The following NIN variants were observed in gnomAD, a reference collection of about 807,000 sequenced individuals.
NIN encodes the protein glycogen synthase kinase 3 beta-interacting protein.
A neutral mutation model predicts 257.6 loss-of-function variants in NIN; 137 were observed. The observed-to-expected ratio is 0.53, with a 90% CI of 0.46 to 0.61. NIN has a LOEUF of 0.61. Ranked by LOEUF, NIN falls within the 20% of genes least tolerant of loss-of-function variation. The probability of loss-of-function intolerance (pLI) is 0.00; values close to 1 mark genes in which losing one functional copy is unlikely to be tolerated. For missense variants in NIN, 2,439 were observed against 2,501.2 expected, an observed-to-expected ratio of 0.98 and a Z score of 0.53; for synonymous variants, 918 against 919.8, an observed-to-expected ratio of 1.00 and a Z score of 0.04.
intron 21 of NIN, among the ~76,000 whole-genome samples, chr14:50,752,254 A>G (rs1018554185): frequency 6.6e-6 from 1 of 151,568 alleles, no homozygotes; most frequent in African/African-American, 2.4e-5. Context: ...CCGAATGTCT[A>G]CTCAGTTGTT....
intron 4 of NIN, chr14:50,806,023 A>T (rs1208668998): frequency 6.6e-6 from 1 of 152,142 alleles, no homozygotes; most frequent in African/African-American, 2.4e-5. Context: ...CCCTACACAC[A>T]CCAGATTTAG....
chr14:50,721,365 C>T lies in NIN; in HGVS notation c.*2098G>A, dbSNP rs1271067677. 4 of 210,422 alleles carry T rather than the reference C, an allele frequency of 1.9e-5. No homozygotes were observed. Among genetic ancestry groups the T allele is most frequent in the African/African-American group, 6.8e-5 (3 of 44,024 alleles). The allele number at this position is 210,422 out of a possible 1,614,324, so 13.0% of individuals were successfully genotyped here. On this transcript the variant is annotated 3_prime_UTR_variant, in exon 31 of 31. Transcript: ENST00000530997. ...AGGAAATAAACAAATTAACCTACAC[C>T]TCTCATACTGTAAAAGACAAAAATT... is the stretch of plus-strand genomic sequence containing the variant.
Position 50,758,148 on chromosome 14 carries a change from G to A in NIN, c.2882C>T (p.Ser961Leu), listed in dbSNP as rs184655824. Residue 961 changes from serine (S) to leucine (L), a missense_variant, in exon 18 of 31, where the codon TCG (serine) becomes TTG (leucine). Ser to Leu is a moderately radical substitution (Grantham distance 145). This residue lies in a region of NIN where 2,043 missense variants were observed against 2,050.2 expected (regional missense o/e 1.00). Transcript: ENST00000530997. ...CAGCCGCTGGCTGGCCAGCTGCTCC[G>A]AAGCCCCTGCCTGGCACAGGACCTC... ...REEVLCQAGA[S>L]EQLASQRLER... 4.5e-5 allele frequency: 72 copies of A among 1,614,092 alleles called. No homozygotes were observed. Among genetic ancestry groups the A allele is most frequent in the Middle Eastern group, 3.3e-4 (2 of 6,060 alleles).
At position 50,770,775 on chromosome 14, in the gene NIN, C is replaced by A. The variant is rs549585592; in HGVS notation, c.1259+77G>T. Reference sequence around the variant, plus strand: ...CCAGAAGAGTCCCCAGTGCACTGTTCTGCCCCTGCAGCTGCAGGCGCCACT... The same window carrying A: ...CCAGAAGAGTCCCCAGTGCACTGTTATGCCCCTGCAGCTGCAGGCGCCACT... On this transcript the variant is annotated intron_variant, in intron 11 of 30. Transcript: ENST00000530997. 155 of 1,516,596 alleles carry A rather than the reference C, an allele frequency of 1.0e-4. No individual in the cohort carries two copies. In the African/African-American group the frequency reaches 1.9e-3, roughly 19 times the overall value. The allele number at this position is 1,516,596 out of a possible 1,614,324, so 93.9% of individuals were successfully genotyped here.
At chr14:50,811,182 C>A (rs1338867340) in intron 3 of NIN, among the ~76,000 whole-genome samples, 2 of 150,612 alleles carry the variant, frequency 1.3e-5, no homozygotes, top group African/African-American at 4.9e-5. Flanking sequence ...AATCTTGGCT[C>A]ACTGCAACCT....
chr14:50,761,874 G>A lies in NIN; in HGVS notation c.1812C>T (p.Ser604=). The change falls in exon 16 of 31, where the codon AGC becomes AGT. Residue 604 remains serine (S), a synonymous_variant. Coordinates refer to ENST00000530997, the MANE Select transcript of NIN (RefSeq NM_020921.4). ...GTTCAATGACCAGCTCTGCCTCAATGCTCATATTCAATGGATTGCATTCTT... is the reference window on the plus strand; with the variant it reads ...GTTCAATGACCAGCTCTGCCTCAATACTCATATTCAATGGATTGCATTCTT... ...GSEECNPLNM[S]IEAELVIEQM... is the part of the protein sequence containing the mutation. 6.2e-7 allele frequency: 1 copy of A among 1,614,068 alleles called. No individual in the cohort carries two copies. The highest frequency in any genetic ancestry group is 8.5e-7 in the Non-Finnish European group (1 of 1,179,962).
At chr14:50,816,329 C>T (rs2044894541) in intron 3 of NIN, among the ~76,000 whole-genome samples, 1 of 152,112 alleles carries the variant, frequency 6.6e-6, no homozygotes, top group Non-Finnish European at 1.5e-5. Flanking sequence ...TGTAACAAAC[C>T]TGCACATCCT....
Position 50,789,213 on chromosome 14 carries a change from C to G in NIN, c.435+3499G>C, listed in dbSNP as rs367818763. On this transcript the variant is annotated intron_variant, in intron 5 of 30. Coordinates refer to ENST00000530997, the MANE Select transcript of NIN (RefSeq NM_020921.4). The stretch of plus-strand genomic sequence containing the variant: ...CCCAAGGAATAAATTCCCAACATCC[C>G]CAAAGAGAGGAGACAGAAGGGCTTC... Among the ~76,000 whole-genome samples, 134 of 152,234 alleles carry G rather than the reference C, an allele frequency of 8.8e-4. 1 individual carries two copies. In the South Asian group the frequency reaches 0.026, roughly 30 times the overall value.
chr14:50,726,398 C>A (rs2984271), intron 29 of NIN: 17,597 of 226,636 alleles, frequency 0.078, 2,975 homozygotes, highest in African/African-American at 0.36. Context: ...CTTGGAAGAT[C>A]GCTATCAACC....
chr14:50,744,955 G>A (rs547003230), intron 22 of NIN, among the ~76,000 whole-genome samples: 1 of 152,026 alleles, frequency 6.6e-6, no homozygotes, highest in South Asian at 2.1e-4. Flanking sequence ...CCCTAGAATT[G>A]GCATGAACCA....
Position 50,729,506 on chromosome 14 carries a change from TAGAG to T in NIN, c.6078+13_6078+16del. ...AAAATTAACAGGTGATCTACTAGAG[TAGAG>T]AGAGCTTCATACCTGTGGTGTGTTG... On this transcript the variant is annotated intron_variant, in intron 29 of 30. Transcript: ENST00000530997. 6.2e-7 allele frequency: 1 copy of T among 1,607,426 alleles called. No individual in the cohort carries two copies. Among genetic ancestry groups the T allele is most frequent in the Non-Finnish European group, 8.5e-7 (1 of 1,175,986 alleles).
intron 3 of NIN, among the ~76,000 whole-genome samples, chr14:50,807,095 T>C (rs2044365842): frequency 6.6e-6 from 1 of 152,206 alleles, no homozygotes; most frequent in Admixed American, 6.5e-5. Context: ...AAAGATATAT[T>C]TTAAACTCTT....
At position 50,757,383 on chromosome 14, in the gene NIN, C is replaced by T. The variant is rs192017781; in HGVS notation, c.3647G>A (p.Arg1216Gln). Residue 1216 changes from arginine (R) to glutamine (Q), a missense_variant, in exon 18 of 31, where the codon CGA becomes CAA. Arg to Gln is a conservative substitution (Grantham distance 43). Coordinates refer to ENST00000530997, the MANE Select transcript of NIN (RefSeq NM_020921.4). Reference protein sequence around the residue: ...QLMMLCADCDRASEKKQDLLF... With the variant: ...QLMMLCADCDQASEKKQDLLF... Reference sequence around the variant, plus strand: ...TAGGTCCTGTTTCTTTTCAGAAGCTCGATCACAGTCCGCACATAACATCAT... The same window carrying T: ...TAGGTCCTGTTTCTTTTCAGAAGCTTGATCACAGTCCGCACATAACATCAT... 794 of 1,614,016 alleles carry T rather than the reference C, an allele frequency of 4.9e-4. No homozygotes were observed. Among genetic ancestry groups the T allele is most frequent in the Non-Finnish European group, 5.9e-4 (692 of 1,180,000 alleles).
At chr14:50,790,870 G>A (rs940668357) in intron 5 of NIN, among the ~76,000 whole-genome samples, 3 of 152,048 alleles carry the variant, frequency 2.0e-5, no homozygotes, top group African/African-American at 7.3e-5. Flanking sequence ...AAATCTCCCT[G>A]GGCACCAGTA....
chr14:50,751,101 TTTC>T (rs1409828594), intron 21 of NIN, among the ~76,000 whole-genome samples: 1 of 152,238 alleles, frequency 6.6e-6, no homozygotes, highest in East Asian at 1.9e-4. Context: ...TTTCTTCCTT[TTTC>T]TTGAACAGCT....
intron 2 of NIN, 52 bp downstream of exon 2, chr14:50,830,412 C>T (rs2045650577): frequency 6.0e-6 from 1 of 166,946 alleles, no homozygotes; most frequent in Non-Finnish European, 1.5e-5. Flanking sequence ...CCTCAGACAG[C>T]CCATTGTGTG....
chr14:50,770,748 G>T, intron 11 of NIN, 104 bp downstream of exon 11: 1 of 1,426,496 alleles, frequency 7.0e-7, no homozygotes, highest in South Asian at 1.4e-5. Flanking sequence ...CCAACAGGCT[G>T]ACCAGAAGAG....
intron 4 of NIN, among the ~76,000 whole-genome samples, chr14:50,793,126 AGCAAGG>A (rs1267983145): frequency 2.6e-5 from 4 of 152,168 alleles, no homozygotes; most frequent in African/African-American, 9.7e-5. Context: ...CAACAATGGC[AGCAAGG>A]GATCTGACTT....
Position 50,757,337 on chromosome 14 carries a change from T to A in NIN, c.3693A>T (p.Leu1231=). 6.2e-7 allele frequency: 1 copy of A among 1,613,868 alleles called. No homozygotes were observed. Among genetic ancestry groups the A allele is most frequent in the African/African-American group, 1.3e-5 (1 of 74,950 alleles). The change falls in exon 18 of 31, where the codon CTA becomes CTT. Residue 1231 remains leucine (L), a synonymous_variant. Coordinates refer to ENST00000530997, the MANE Select transcript of NIN (RefSeq NM_020921.4). ...TCTCAAGCATCTTCAGTTTCTTTTTTAGCACAGAAACATCAAAAAGTAGGT... is the reference window on the plus strand; with the variant it reads ...TCTCAAGCATCTTCAGTTTCTTTTTAAGCACAGAAACATCAAAAAGTAGGT... The part of the protein sequence containing the change: ...KQDLLFDVSV[L]KKKLKMLERI...
Sources: gnomAD v4.1 joint callset for allele counts (sites outside exome capture counted in the v4.1 genomes callset) on GRCh38, gnomAD v4.1.1 for gene constraint, gnomAD v4.1.1 regional missense constraint, MANE v1.5 for transcripts, NCBI Gene and HGNC (gene_info 2026-07-23, HGNC 2026-07-21) for gene names.